The following AUTS2 variants were observed in gnomAD, a reference collection of about 807,000 sequenced individuals.
The protein encoded by AUTS2 is autism susceptibility gene 2 protein.
A neutral mutation model predicts 112.4 loss-of-function variants in AUTS2; 17 were observed. The ratio of observed to expected loss-of-function variants is 0.15; its 90% CI spans 0.10 to 0.23. The LOEUF (loss-of-function observed/expected upper bound fraction) is 0.23. Ranked by LOEUF, AUTS2 falls within the 10% of genes least tolerant of loss-of-function variation. AUTS2 has a pLI of 1.00. For missense variants in AUTS2, 1,510 were observed against 1,701.6 expected, an observed-to-expected ratio of 0.89 and a Z score of 1.98; for synonymous variants, 751 against 702.7, an observed-to-expected ratio of 1.07 and a Z score of -1.09.
intron 4 of AUTS2, among the ~76,000 whole-genome samples, chr7:70,324,952 T>G (rs1281601681): frequency 6.6e-6 from 1 of 151,750 alleles, no homozygotes; most frequent in Non-Finnish European, 1.5e-5. Context: ...AAGCCCACTC[T>G]GGCTTACCCT....
intron 2 of AUTS2, among the ~76,000 whole-genome samples, chr7:70,006,863 A>C (rs1037176204): frequency 6.6e-6 from 1 of 152,146 alleles, no homozygotes. Context: ...TTCTGAGGTT[A>C]TATTTAGAAA....
Position 70,429,061 on chromosome 7 carries a change from T to C in AUTS2, c.661-6691T>C, listed in dbSNP as rs577117742. 1.6e-4 allele frequency among the ~76,000 whole-genome samples: 24 copies of C among 152,388 alleles called. No homozygotes were observed. In the South Asian group the frequency reaches 2.1e-3, roughly 13 times the overall value. On this transcript the variant is annotated intron_variant, in intron 4 of 18. Transcript: ENST00000342771. ...CCCAACTCTAGGCTCTGCTAACGAT[T>C]TTAACCTCCCTCAGTATGTTCACAC...
rs949862598 is a variant in AUTS2, at chr7:69,600,484, G to T, written c.309+522G>T. Among the ~76,000 whole-genome samples the T allele has an allele frequency of 2.7e-5, 4 of 149,806 alleles. No homozygotes were observed. The South Asian group carries it at 8.6e-4, about 32-fold the overall frequency. On this transcript the variant is annotated intron_variant, in intron 1 of 18. Coordinates refer to ENST00000342771, the MANE Select transcript of AUTS2 (RefSeq NM_015570.4). Reference sequence around the variant, plus strand: ...TTTCCCGGGTGTCCTCGGGACTGGAGACTGATGGGGTTTTGTGATTTCTTT... The same window carrying T: ...TTTCCCGGGTGTCCTCGGGACTGGATACTGATGGGGTTTTGTGATTTCTTT...
intron 6 of AUTS2, among the ~76,000 whole-genome samples, chr7:70,720,547 T>C (rs1351496519): frequency 6.6e-6 from 1 of 152,148 alleles, no homozygotes; most frequent in African/African-American, 2.4e-5. Context: ...ATCTTTTTAT[T>C]GTACATATGT....
Position 69,919,420 on chromosome 7 carries a change from G to A in AUTS2, c.522+19922G>A, listed in dbSNP as rs111406636. Reference sequence around the variant, plus strand: ...CGTCTTGTCTTCACATTGTTTTATGGCCACGACTTTGAATTCATTTGATCA... The same window carrying A: ...CGTCTTGTCTTCACATTGTTTTATGACCACGACTTTGAATTCATTTGATCA... On this transcript the variant is annotated intron_variant, in intron 2 of 18. Transcript: ENST00000342771. Among the ~76,000 whole-genome samples, 1,101 of 152,298 alleles carry A rather than the reference G, an allele frequency of 7.2e-3. 12 individuals carry two copies. The highest frequency in any genetic ancestry group is 0.018 in the Admixed American group (269 of 15,294).
intron 5 of AUTS2, among the ~76,000 whole-genome samples, chr7:70,632,333 A>G (rs1805306025): frequency 6.6e-6 from 1 of 152,170 alleles, no homozygotes. Flanking sequence ...CTCTAGGTCC[A>G]GAACCGTGGG....
chr7:69,953,818 A>AC (rs888482537), intron 2 of AUTS2, among the ~76,000 whole-genome samples: 60 of 151,686 alleles, frequency 4.0e-4, no homozygotes, highest in Admixed American at 2.8e-3. Context: ...TAATATTAGT[A>AC]CCCCCCCAAC....
At chr7:69,672,171 T>C (rs1796362961) in intron 1 of AUTS2, among the ~76,000 whole-genome samples, 1 of 152,134 alleles carries the variant, frequency 6.6e-6, no homozygotes, top group East Asian at 1.9e-4. Flanking sequence ...GCAATTCTCC[T>C]GCCTCAGCCT....
intron 2 of AUTS2, among the ~76,000 whole-genome samples, chr7:69,927,236 G>T (rs1379155613): frequency 6.9e-6 from 1 of 145,426 alleles, no homozygotes; most frequent in African/African-American, 2.5e-5. Flanking sequence ...ATTTACAGTG[G>T]TCTACCTTCA....
At chr7:69,752,248 T>C (rs577382546) in intron 1 of AUTS2, among the ~76,000 whole-genome samples, 3 of 152,346 alleles carry the variant, frequency 2.0e-5, no homozygotes, top group Non-Finnish European at 4.4e-5. Context: ...GAGGTGTTCT[T>C]TCTCCCAGTG....
Position 70,766,195 on chromosome 7 carries a change from C to T in AUTS2, c.1550C>T (p.Pro517Leu). The part of the protein sequence containing the change: ...SADRGASLGP[P>L]PYLRTEFHQH... ...GACCGCGGGGCTTCCCTGGGCCCTCCGCCCTACCTGCGGACCGAGTTCCAT... is the reference window on the plus strand; with the variant it reads ...GACCGCGGGGCTTCCCTGGGCCCTCTGCCCTACCTGCGGACCGAGTTCCAT... The change falls in exon 9 of 19, where the codon CCG (proline) becomes CTG (leucine). Residue 517 changes from proline (P) to leucine (L), a missense_variant. This residue lies in a region of AUTS2 where 187 missense variants were observed against 309.7 expected (regional missense o/e 0.60). Transcript: ENST00000342771. This position sits in a 1 kb window ranked among gnomAD's most constrained non-coding sequence, Gnocchi z 4.8. 3.1e-6 allele frequency: 5 copies of T among 1,614,182 alleles called. No homozygotes were observed. The highest frequency in any genetic ancestry group is 1.1e-5 in the South Asian group (1 of 91,088).
At chr7:70,409,411 G>C (rs909329990) in intron 4 of AUTS2, among the ~76,000 whole-genome samples, 5 of 152,086 alleles carry the variant, frequency 3.3e-5, no homozygotes, top group African/African-American at 1.2e-4. Flanking sequence ...TGAGAATATA[G>C]GTTATTAGTT....
At position 70,605,449 on chromosome 7, in the gene AUTS2, C is replaced by T. The variant is rs376085583; in HGVS notation, c.691-93120C>T. On this transcript the variant is annotated intron_variant, in intron 5 of 18. Transcript: ENST00000342771. ...CAACACAACCGTTTGAATCAACTCA[C>T]GTTTACTACCAGGTACTCCTGGTAC... is the stretch of plus-strand genomic sequence containing the variant. 2.0e-4 allele frequency among the ~76,000 whole-genome samples: 31 copies of T among 151,530 alleles called. No individual in the cohort carries two copies. The East Asian group carries it at 3.9e-3, about 19-fold the overall frequency.
rs553186939 is a variant in AUTS2, at chr7:70,603,270, T to G, written c.691-95299T>G. On this transcript the variant is annotated intron_variant, in intron 5 of 18. Coordinates refer to ENST00000342771, the MANE Select transcript of AUTS2 (RefSeq NM_015570.4). ...AGGAGAGAAGTGATCTGCAAGTTTC[T>G]CAGGATGCTTTTGGGTAAGAGTTTC... Among the ~76,000 whole-genome samples the G allele has an allele frequency of 2.3e-3, 354 of 152,270 alleles. 2 individuals carry two copies. The highest frequency in any genetic ancestry group is 7.1e-4 in the Non-Finnish European group (48 of 68,022).
At chr7:70,513,136 T>G (rs576283548) in intron 5 of AUTS2, among the ~76,000 whole-genome samples, 19 of 152,356 alleles carry the variant, frequency 1.2e-4, no homozygotes, top group Admixed American at 1.0e-3. Context: ...AGCCTTATTA[T>G]CACATGTTAT....
chr7:70,771,906 A>T (rs1036109003), intron 11 of AUTS2, among the ~76,000 whole-genome samples: 1 of 152,152 alleles, frequency 6.6e-6, no homozygotes, highest in African/African-American at 2.4e-5. Flanking sequence ...CAAAATATAC[A>T]CAATATTTAT....
chr7:69,875,754 G>C (rs1010829249), intron 1 of AUTS2, among the ~76,000 whole-genome samples: 3 of 152,154 alleles, frequency 2.0e-5, no homozygotes, highest in Non-Finnish European at 4.4e-5. Flanking sequence ...TCAGACTTTG[G>C]GACCCCAGGG....
At chr7:69,680,955 C>T in intron 1 of AUTS2, among the ~76,000 whole-genome samples, 1 of 152,204 alleles carries the variant, frequency 6.6e-6, no homozygotes, top group East Asian at 1.9e-4. Context: ...CAGGCATGAA[C>T]CACCACACCC....
In AUTS2 at chr7:70,789,795, T is replaced by C. The variant is rs371248372; in HGVS notation, c.2579T>C (p.Val860Ala). The part of the protein sequence containing the change: ...RHSSHPSPAP[V>A]LPVNALGHTR... ...TCCAGCCACCCTTCACCAGCACCTG[T>C]CCTCCCGGTGAATGCCCTGGGACAT... The change falls in exon 19 of 19, where the codon GTC becomes GCC. Residue 860 changes from valine to alanine, a missense_variant. Physicochemically the swap from Val to Ala is moderately conservative, Grantham distance 64 (BLOSUM62 0). Around this residue, in one of 3 missense-constraint regions of AUTS2, gnomAD observed 788 missense variants for 797.6 expected, o/e 0.99. Transcript: ENST00000342771. 4.2e-5 allele frequency: 67 copies of C among 1,613,836 alleles called. 1 individual carries two copies. The South Asian group carries it at 4.6e-4, about 11-fold the overall frequency.
Sources: gnomAD v4.1 joint callset for allele counts (sites outside exome capture counted in the v4.1 genomes callset) on GRCh38, gnomAD v4.1.1 for gene constraint, gnomAD v4.1.1 regional missense constraint, Gnocchi (gnomAD v3.1) non-coding constraint, MANE v1.5 for transcripts, NCBI Gene and HGNC (gene_info 2026-07-23, HGNC 2026-07-21) for gene names.